Variants in TMEM232 observed in about 807,000 individuals in gnomAD.
TMEM232 encodes the protein transmembrane protein 232.
TMEM232 carries 80 observed loss-of-function variants against 78.8 expected under a neutral mutation model. The ratio of observed to expected loss-of-function variants is 1.01; its 90% confidence interval spans 0.85 to 1.22. The LOEUF is 1.22. Among genes scored for constraint, TMEM232 ranks in the 50% most tolerant of loss-of-function variants. The pLI is 0.00. For missense variants in TMEM232, 881 were observed against 742.2 expected (o/e 1.19, Z -2.17); for synonymous variants, 297 against 254.3 (o/e 1.17, Z -1.60).
intron 1 of TMEM232, among the ~76,000 whole-genome samples, chr5:110,692,893 AG>A (rs1188388077): frequency 6.6e-6 from 1 of 152,202 alleles, no homozygotes; most frequent in African/African-American, 2.4e-5. Context: ...GCACAGACAA[AG>A]AAAAGGCAGC....
intron 12 of TMEM232, among the ~76,000 whole-genome samples, chr5:110,431,498 G>A (rs1206891666): frequency 6.6e-6 from 1 of 151,654 alleles, no homozygotes; most frequent in Non-Finnish European, 1.5e-5. Flanking sequence ...TACATAGTAT[G>A]AACCAGGAGT....
chr5:110,624,148 C>T (rs1179320658), intron 7 of TMEM232, among the ~76,000 whole-genome samples: 1 of 152,146 alleles, frequency 6.6e-6, no homozygotes, highest in Non-Finnish European at 1.5e-5. Flanking sequence ...AAAGGAAGAA[C>T]ATTCCAATCA....
intron 2 of TMEM232, 94 bp downstream of exon 2, chr5:110,667,134 T>G: frequency 9.9e-7 from 1 of 1,009,932 alleles, no homozygotes; most frequent in African/African-American, 1.7e-5. Context: ...TAATCTTTGG[T>G]TAGAGAACTA....
intron 3 of TMEM232, among the ~76,000 whole-genome samples, chr5:110,395,345 T>C (rs1385128378): frequency 2.6e-5 from 4 of 152,200 alleles, no homozygotes. Flanking sequence ...AAGTCTGTGA[T>C]GAGTGAATTC....
intron 12 of TMEM232, among the ~76,000 whole-genome samples, chr5:110,527,164 A>G (rs77431079): frequency 9.9e-5 from 15 of 152,048 alleles, no homozygotes; most frequent in Non-Finnish European, 1.6e-4. Context: ...ACTTTAATGT[A>G]TAGAAATTTG....
intron 12 of TMEM232, among the ~76,000 whole-genome samples, chr5:110,458,394 G>A (rs1761127793): frequency 6.6e-6 from 1 of 151,974 alleles, no homozygotes; most frequent in South Asian, 2.1e-4. Context: ...AATCTGGCAG[G>A]GGGCTTAACT....
chr5:110,676,183 A>ATATCTTGGCTATTGTGAATAATGT (rs1792002026), intron 1 of TMEM232, among the ~76,000 whole-genome samples: 1 of 152,214 alleles, frequency 6.6e-6, no homozygotes, highest in African/African-American at 2.4e-5. Context: ...ATGGACACTT[A>ATATCTTGGCTATTGTGAATAATGT]GATTAATTTT....
chr5:110,671,313 G>C (rs11743613), intron 1 of TMEM232, among the ~76,000 whole-genome samples: 87,814 of 152,096 alleles, frequency 0.58, 30,941 homozygotes, highest in Non-Finnish European at 0.78. Flanking sequence ...GTGTAAATTA[G>C]GTCAACCATT....
At chr5:110,623,347 A>T (rs1473062019) in intron 7 of TMEM232, among the ~76,000 whole-genome samples, 1 of 152,198 alleles carries the variant, frequency 6.6e-6, no homozygotes, top group Non-Finnish European at 1.5e-5. Context: ...GCATATAGGA[A>T]CACTAAAAAT....
chr5:110,721,254 T>C (rs1476715134), intron 1 of TMEM232, among the ~76,000 whole-genome samples: 3 of 152,030 alleles, frequency 2.0e-5, no homozygotes, highest in Admixed American at 2.0e-4. Flanking sequence ...CAAACATTGA[T>C]AGATTTTGTG....
intron 2 of TMEM232, among the ~76,000 whole-genome samples, chr5:110,649,032 G>C (rs1291650277): frequency 6.6e-6 from 1 of 152,042 alleles, no homozygotes; most frequent in Non-Finnish European, 1.5e-5. Context: ...GGTTAGTGTG[G>C]CCTATAATAA....
At chr5:110,688,167 C>T (rs1467573541) in intron 1 of TMEM232, among the ~76,000 whole-genome samples, 1 of 151,806 alleles carries the variant, frequency 6.6e-6, no homozygotes, top group Non-Finnish European at 1.5e-5. Flanking sequence ...AATTTATCCA[C>T]AAATGAGTTC....
intron 11 of TMEM232, among the ~76,000 whole-genome samples, chr5:110,544,300 A>T (rs1057508919): frequency 3.9e-5 from 6 of 152,184 alleles, no homozygotes; most frequent in Non-Finnish European, 7.3e-5. Context: ...CTTCACATAC[A>T]TATTTTAACC....
At chr5:110,548,341 T>G (rs968743230) in intron 11 of TMEM232, among the ~76,000 whole-genome samples, 16 of 149,276 alleles carry the variant, frequency 1.1e-4, no homozygotes, top group Non-Finnish European at 1.2e-4. Context: ...TTAAATATTA[T>G]TAATCATTAA....
chr5:110,689,047 T>C (rs1412394597), intron 1 of TMEM232, among the ~76,000 whole-genome samples: 1 of 152,196 alleles, frequency 6.6e-6, no homozygotes, highest in East Asian at 1.9e-4. Context: ...TGTATGCTTC[T>C]CAATATACCA....
intron 1 of TMEM232, among the ~76,000 whole-genome samples, chr5:110,689,499 G>A (rs1224408891): frequency 6.6e-6 from 1 of 152,052 alleles, no homozygotes; most frequent in African/African-American, 2.4e-5. Context: ...GTTTACAGGT[G>A]CTTTAGAAAC....
At chr5:110,639,871 T>C (rs1786420411) in intron 4 of TMEM232, among the ~76,000 whole-genome samples, 1 of 152,214 alleles carries the variant, frequency 6.6e-6, no homozygotes, top group Non-Finnish European at 1.5e-5. Context: ...ATGTCACTGC[T>C]GATCCGACAG....
At chr5:110,612,293 A>G (rs1782404811) in intron 8 of TMEM232, among the ~76,000 whole-genome samples, 1 of 152,164 alleles carries the variant, frequency 6.6e-6, no homozygotes, top group Non-Finnish European at 1.5e-5. Context: ...GCTGTATGAT[A>G]ATGTAGCAGC....
At chr5:110,419,138 G>T (rs1449501852), downstream of TMEM232, among the ~76,000 whole-genome samples, 2 of 151,312 alleles carry the variant, frequency 1.3e-5, no homozygotes, top group South Asian at 2.1e-4. Context: ...AGAAGATTTG[G>T]AGAAAAGGGA....
Sources: gnomAD v4.1 joint callset for allele counts (sites outside exome capture counted in the v4.1 genomes callset) on GRCh38, gnomAD v4.1.1 for gene constraint, MANE v1.5 for transcripts, NCBI Gene and HGNC (gene_info 2026-07-23, HGNC 2026-07-21) for gene names.